The following ARAP2 variants were observed in gnomAD, a reference collection of about 807,000 sequenced individuals.
ARAP2 encodes ArfGAP with RhoGAP domain, ankyrin repeat and PH domain 2.
Under a neutral mutation model 194.5 loss-of-function variants are expected in ARAP2, and 148 were observed. The observed-to-expected ratio is 0.76, with a 90% CI of 0.67 to 0.87. ARAP2 has a LOEUF of 0.87. Among genes scored for constraint, ARAP2 ranks in the 40% least tolerant of loss-of-function variants. The pLI is 0.00. For missense variants in ARAP2, 2,128 were observed against 1,989.7 expected (o/e 1.07, Z -1.32); for synonymous variants, 695 against 683.5 (o/e 1.02, Z -0.26).
intron 6 of ARAP2, among the ~76,000 whole-genome samples, chr4:36,203,523 G>A (rs986655585): frequency 6.6e-6 from 1 of 152,070 alleles, no homozygotes; most frequent in Admixed American, 6.5e-5. Context: ...GGTGGAGGTT[G>A]CAGTGAGCCA....
downstream of ARAP2, among the ~76,000 whole-genome samples, chr4:36,063,466 A>G (rs529553255): frequency 1.5e-4 from 23 of 152,220 alleles, no homozygotes; most frequent in South Asian, 3.9e-3. Flanking sequence ...AAAAAAGAAA[A>G]AAAAAAAAAA....
chr4:36,227,213 G>A (rs1420380499), intron 2 of ARAP2, among the ~76,000 whole-genome samples: 1 of 152,094 alleles, frequency 6.6e-6, no homozygotes, highest in Non-Finnish European at 1.5e-5. Context: ...AAAGTAAAAT[G>A]GGATGAACAT....
At chr4:36,088,642 A>G (rs974824362) in intron 28 of ARAP2, among the ~76,000 whole-genome samples, 8 of 152,104 alleles carry the variant, frequency 5.3e-5, no homozygotes, top group Admixed American at 1.3e-4. Context: ...GTCCTTGAGG[A>G]AAGCAAACAT....
intron 28 of ARAP2, among the ~76,000 whole-genome samples, chr4:36,089,530 TG>T (rs1421442866): frequency 1.3e-5 from 2 of 152,154 alleles, no homozygotes; most frequent in Non-Finnish European, 2.9e-5. Context: ...AGAGTGATTG[TG>T]TGATTTTACC....
chr4:36,207,337 C>T (rs1578275385), intron 6 of ARAP2, among the ~76,000 whole-genome samples: 1 of 152,174 alleles, frequency 6.6e-6, no homozygotes, highest in African/African-American at 2.4e-5. Context: ...TCTGCTTTGA[C>T]CTGTTTGAAA....
intron 2 of ARAP2, among the ~76,000 whole-genome samples, chr4:36,216,167 G>A (rs1034937651): frequency 2.0e-5 from 3 of 151,768 alleles, no homozygotes; most frequent in African/African-American, 4.8e-5. Context: ...GAGGTGGGAC[G>A]ATTACTTCAG....
chr4:36,154,913 C>A (rs1232284627), intron 15 of ARAP2, among the ~76,000 whole-genome samples: 2 of 152,144 alleles, frequency 1.3e-5, no homozygotes, highest in East Asian at 1.9e-4. Context: ...TGATGTTCAA[C>A]AGAAACAACA....
chr4:36,074,866 G>A lies in ARAP2; in HGVS notation c.4609-1043C>T, dbSNP rs190165119. Among the ~76,000 whole-genome samples, 106 of 151,564 alleles carry A rather than the reference G, an allele frequency of 7.0e-4. 2 individuals carry two copies. The highest frequency in any genetic ancestry group is 8.3e-4 in the South Asian group (4 of 4,808). On this transcript the variant is annotated intron_variant, in intron 31 of 32. Transcript: ENST00000303965. ...TATAATAACAGCTAATTTAACTAAG[G>A]GGCAAACTGCCAAGCTGTATGTTTA...
At chr4:36,121,142 T>G (rs760779775) in intron 23 of ARAP2, 37 bp downstream of exon 23, 4 of 1,496,332 alleles carry the variant, frequency 2.7e-6, no homozygotes, top group Non-Finnish European at 3.6e-6. Flanking sequence ...AGTGACATTA[T>G]AACCATTTTA....
Position 36,213,202 on chromosome 4 carries a change from A to C in ARAP2, c.1041+41T>G, listed in dbSNP as rs758787726. 1.5e-5 allele frequency: 20 copies of C among 1,375,994 alleles called. No individual in the cohort carries two copies. The East Asian group carries it at 4.4e-4, about 30-fold the overall frequency. The allele number at this position is 1,375,994 out of a possible 1,614,324, so 85.2% of individuals were successfully genotyped here. A position where few individuals can be genotyped will look rare whatever the true frequency, so the allele number is the denominator to read the frequency against. ...GAGGTACAAATAGGCAGAAAAGCAAATAATTGATTATGGAAAACAATTAAA... is the reference window on the plus strand; with the variant it reads ...GAGGTACAAATAGGCAGAAAAGCAACTAATTGATTATGGAAAACAATTAAA... On this transcript the variant is annotated intron_variant, in intron 4 of 32. Coordinates refer to ENST00000303965, the MANE Select transcript of ARAP2 (RefSeq NM_015230.4).
At chr4:36,200,110 T>C (rs1365886880) in intron 6 of ARAP2, among the ~76,000 whole-genome samples, 2 of 152,232 alleles carry the variant, frequency 1.3e-5, no homozygotes, top group Non-Finnish European at 2.9e-5. Context: ...TTGAATAATC[T>C]ATTTTCATTA....
At chr4:36,056,948 A>T (rs1723615693) in intron 2 of ARAP2, among the ~76,000 whole-genome samples, 1 of 145,204 alleles carries the variant, frequency 6.9e-6, no homozygotes, top group Non-Finnish European at 1.5e-5. Flanking sequence ...TGTTTACCTG[A>T]TTTTTTTTTT....
chr4:36,128,844 A>G (rs1212343801), intron 20 of ARAP2, 99 bp from the exon 21 acceptor site: 3 of 954,970 alleles, frequency 3.1e-6, no homozygotes, highest in Middle Eastern at 2.9e-4. Flanking sequence ...AGACGAGAAG[A>G]TGATGAAATC....
At chr4:36,034,662 G>C (rs1021595048) in intron 5 of ARAP2, among the ~76,000 whole-genome samples, 5 of 151,976 alleles carry the variant, frequency 3.3e-5, no homozygotes, top group African/African-American at 1.2e-4. Flanking sequence ...TTGAATAGGA[G>C]TGGTGTTTGG....
chr4:36,181,519 G>A (rs1283856591), intron 8 of ARAP2, among the ~76,000 whole-genome samples: 3 of 152,004 alleles, frequency 2.0e-5, no homozygotes, highest in South Asian at 2.1e-4. Flanking sequence ...ACTACATAAG[G>A]GCCATGCAAA....
intron 3 of ARAP2, 131 bp downstream of exon 3, chr4:36,214,291 G>C: frequency 1.8e-6 from 1 of 560,604 alleles, no homozygotes; most frequent in East Asian, 3.4e-5. Context: ...GAAGTACTAT[G>C]AACACTGGCA....
Position 36,128,739 on chromosome 4 carries a change from C to T in ARAP2, c.3434G>A (p.Gly1145Glu), listed in dbSNP as rs1159175487. 3 of 1,523,998 alleles carry T rather than the reference C, an allele frequency of 2.0e-6. No homozygotes were observed. The allele number at this position is 1,523,998 out of a possible 1,614,324, so 94.4% of individuals were successfully genotyped here. The change falls in exon 21 of 33, where the codon GGA (glycine) becomes GAA (glutamate). Residue 1145 changes from glycine to glutamate, a missense_variant. Coordinates refer to ENST00000303965, the MANE Select transcript of ARAP2 (RefSeq NM_015230.4). Reference protein sequence around the residue: ...CIAFVTQYGLGCKYIYQKNGD... With the variant: ...CIAFVTQYGLECKYIYQKNGD... ...ATTCTTTTGATAGATATATTTGCAT[C>T]CTAAACCTTTGTTTAAAAAAAAAAA...
chr4:36,146,561 C>G (rs1374975335), intron 19 of ARAP2, among the ~76,000 whole-genome samples: 1 of 151,964 alleles, frequency 6.6e-6, no homozygotes, highest in African/African-American at 2.4e-5. Context: ...TTTCAAATAC[C>G]CTTGGCCCTA....
intron 28 of ARAP2, among the ~76,000 whole-genome samples, chr4:36,085,917 T>C (rs541908540): frequency 2.8e-4 from 42 of 152,204 alleles, no homozygotes; most frequent in South Asian, 2.5e-3. Context: ...TCTTTGGATA[T>C]TGATTCTATA....
Sources: gnomAD v4.1 joint callset for allele counts (sites outside exome capture counted in the v4.1 genomes callset) on GRCh38, gnomAD v4.1.1 for gene constraint, MANE v1.5 for transcripts, NCBI Gene and HGNC (gene_info 2026-07-23, HGNC 2026-07-21) for gene names.